COL6A1: variants seen among roughly 807,000 people sequenced by gnomAD.
The protein encoded by COL6A1 is collagen alpha-1(VI) chain.
Under a neutral mutation model 145.6 loss-of-function variants are expected in COL6A1, and 80 were observed. The observed-to-expected ratio is 0.55, with a 90% CI of 0.46 to 0.66. The LOEUF (loss-of-function observed/expected upper bound fraction) is 0.66. COL6A1 is among the 30% of genes least tolerant of loss of function. The pLI is 0.00. For synonymous variants in COL6A1, 638 were observed against 622.8 expected (o/e 1.02, Z -0.36); for missense variants, 1,364 against 1,473.8 (o/e 0.93, Z 1.22).
chr21:46,003,103 G>A lies in COL6A1; in HGVS notation c.2435-17G>A, dbSNP rs1166723556. ...TGGAGCAGTGGGCTCACACTGCACG[G>A]CTTTTCTCTTTTACAGACAAGAAGT... On this transcript the variant is annotated splice_polypyrimidine_tract_variant and intron_variant, in intron 33 of 34. Coordinates refer to ENST00000361866, the MANE Select transcript of COL6A1 (RefSeq NM_001848.3). The A allele has an allele frequency of 1.9e-6, 3 of 1,613,986 alleles. No homozygotes were observed. The highest frequency in any genetic ancestry group is 2.7e-5 in the African/African-American group (2 of 74,948).
At chr21:45,989,244 A>G in intron 9 of COL6A1, 107 bp downstream of exon 9, 1 of 1,230,840 alleles carries the variant, frequency 8.1e-7, no homozygotes, top group East Asian at 2.3e-5. Flanking sequence ...CCAAAGTCAC[A>G]CTGCCTGTTC....
At chr21:45,996,611 C>G (rs901213123) in intron 20 of COL6A1, among the ~76,000 whole-genome samples, 74 of 152,216 alleles carry the variant, frequency 4.9e-4, no homozygotes, top group Admixed American at 4.7e-3. Context: ...AGGCGTCCGA[C>G]CAGGCTCATG....
intron 19 of COL6A1, among the ~76,000 whole-genome samples, chr21:45,993,659 C>G (rs1430523707): frequency 1.3e-5 from 2 of 152,176 alleles, no homozygotes; most frequent in Non-Finnish European, 2.9e-5. Flanking sequence ...GATTTCTGAC[C>G]TCCTCCCTGG....
chr21:45,982,516 C>T (rs1227713361), intron 1 of COL6A1, 118 bp from the exon 2 acceptor site: 12 of 1,451,900 alleles, frequency 8.3e-6, no homozygotes, highest in Non-Finnish European at 1.0e-5. Context: ...CCCGGGAGAG[C>T]CTCTCCGGGC....
At chr21:45,987,266 T>C (rs2123467157) in intron 6 of COL6A1, 91 bp downstream of exon 6, 1 of 1,564,438 alleles carries the variant, frequency 6.4e-7, no homozygotes. Context: ...TCCCTATGCA[T>C]ATCCGCCCAT....
At chr21:45,995,909 G>T (rs1321158354) in intron 20 of COL6A1, among the ~76,000 whole-genome samples, 2 of 147,220 alleles carry the variant, frequency 1.4e-5, no homozygotes, top group Admixed American at 1.4e-4. Context: ...CCATCGGGAC[G>T]TTGGGCTCCC....
chr21:45,982,018 G>T (rs531752890), intron 1 of COL6A1, 71 bp downstream of exon 1: 18 of 1,267,120 alleles, frequency 1.4e-5, no homozygotes, highest in Middle Eastern at 2.5e-4. Context: ...AGATGCGCGG[G>T]GTCCCCTCCC....
At chr21:45,996,727 T>G (rs572870978) in intron 20 of COL6A1, among the ~76,000 whole-genome samples, 104 of 152,254 alleles carry the variant, frequency 6.8e-4, no homozygotes, top group African/African-American at 2.5e-3. Flanking sequence ...GTGCCTGGGC[T>G]AGACTCCGAA....
chr21:45,998,487 C>A (rs754459994), intron 24 of COL6A1, 54 bp downstream of exon 24: 1 of 1,609,764 alleles, frequency 6.2e-7, no homozygotes, highest in Non-Finnish European at 8.5e-7. Flanking sequence ...TTCACAGTCA[C>A]AGGGACACGC....
Position 45,987,524 on chromosome 21 carries a change from G to A in COL6A1, c.759+5G>A. 1 of 1,612,992 alleles carries A rather than the reference G, an allele frequency of 6.2e-7. No homozygotes were observed. Among genetic ancestry groups the A allele is most frequent in the Non-Finnish European group, 8.5e-7 (1 of 1,179,990 alleles). On this transcript the variant is annotated splice_donor_5th_base_variant and intron_variant, in intron 7 of 34. Coordinates refer to ENST00000361866, the MANE Select transcript of COL6A1 (RefSeq NM_001848.3). ...TGCTGCTCCTTCGAATGCCAGGTGA[G>A]TGTGCCCCCCGACCCCTGACCCCGC...
chr21:45,987,707 T>C, intron 8 of COL6A1, 53 bp downstream of exon 8: 2 of 1,566,674 alleles, frequency 1.3e-6, no homozygotes, highest in South Asian at 2.3e-5. Context: ...GGAGTGGGGG[T>C]GGCAGGACCA....
intron 14 of COL6A1, 70 bp from the exon 15 acceptor site, chr21:45,990,909 C>A (rs145055730): frequency 1.2e-6 from 2 of 1,607,110 alleles, no homozygotes; most frequent in African/African-American, 1.3e-5. Flanking sequence ...TCTGTCTGGG[C>A]GGTCTGGGGC....
chr21:45,997,817 G>T, intron 22 of COL6A1, 55 bp downstream of exon 22: 1 of 1,536,584 alleles, frequency 6.5e-7, no homozygotes, highest in Non-Finnish European at 8.8e-7. Context: ...CAGAGGCCCT[G>T]GGAAGCCCCA....
rs1403752141 is a variant in COL6A1 at position 46,004,538 on chromosome 21, A to G, written c.*525A>G. 1 of 313,400 alleles carries G rather than the reference A, an allele frequency of 3.2e-6. No individual in the cohort carries two copies. The highest frequency in any genetic ancestry group is 2.2e-5 in the African/African-American group (1 of 45,510). The allele number at this position is 313,400 out of a possible 1,614,324, so 19.4% of individuals were successfully genotyped here. On this transcript the variant is annotated 3_prime_UTR_variant, in exon 35 of 35. Transcript: ENST00000361866. ...TCCCACCAATCCTCACCTAACAGTTACTTTACAATTAAACTCAAAGCAAGC... is the reference window on the plus strand; with the variant it reads ...TCCCACCAATCCTCACCTAACAGTTGCTTTACAATTAAACTCAAAGCAAGC...
chr21:46,001,967 C>G lies in COL6A1; in HGVS notation c.1963C>G (p.Pro655Ala), dbSNP rs73908117. 1 of 1,612,306 alleles carries G rather than the reference C, an allele frequency of 6.2e-7. No homozygotes were observed. Among genetic ancestry groups the G allele is most frequent in the African/African-American group, 1.3e-5 (1 of 75,040 alleles). The change falls in exon 31 of 35, where the codon CCA (proline) becomes GCA (alanine). Residue 655 changes from proline to alanine, a missense_variant. Physicochemically the swap from Pro to Ala is conservative, Grantham distance 27. Coordinates refer to ENST00000361866, the MANE Select transcript of COL6A1 (RefSeq NM_001848.3). ...CCCGGTGCCGGTCCCACAGTTCGAG[C>G]CAGGGCAGTCGTACGCGGGTGTGGT... ...LSRDELVKFE[P>A]GQSYAGVVQY...
Position 46,004,022 on chromosome 21 carries a change from G to A in COL6A1, c.*9G>A. 6.2e-7 allele frequency: 1 copy of A among 1,612,964 alleles called. No individual in the cohort carries two copies. Among genetic ancestry groups the A allele is most frequent in the Non-Finnish European group, 8.5e-7 (1 of 1,179,990 alleles). ...AGGTGGCGCTGGGCTAGCCCACCCT[G>A]CACGCCGGCACCAAACCCTGTCCTC... On this transcript the variant is annotated 3_prime_UTR_variant, in exon 35 of 35. Coordinates refer to ENST00000361866, the MANE Select transcript of COL6A1 (RefSeq NM_001848.3).
intron 21 of COL6A1, 42 bp downstream of exon 21, chr21:45,997,525 C>A: frequency 6.1e-6 from 8 of 1,305,286 alleles, no homozygotes; most frequent in Non-Finnish European, 8.7e-6. Context: ...CCCAGGGGGG[C>A]CTGAGGATCC....
chr21:45,982,677 C>T lies in COL6A1; in HGVS notation c.141C>T (p.Ser47=), dbSNP rs2123460208. The change falls in exon 2 of 35, where the codon AGC becomes AGT. Residue 47 remains serine (S), a synonymous_variant. Transcript: ENST00000361866. ...TCTTTGTGCTGGACACCTCTGAGAG[C>T]GTGGCCCTGAGGCTGAAGCCCTACG... is the stretch of plus-strand genomic sequence containing the variant. ...DLFFVLDTSE[S]VALRLKPYGA... 1 of 1,612,908 alleles carries T rather than the reference C, an allele frequency of 6.2e-7. No homozygotes were observed.
chr21:45,991,446 G>A (rs1043216669), intron 15 of COL6A1, among the ~76,000 whole-genome samples: 20 of 152,022 alleles, frequency 1.3e-4, no homozygotes, highest in Non-Finnish European at 1.9e-4. Flanking sequence ...GAGCGGGGGC[G>A]GGAGGAGGGT....
Sources: allele counts gnomAD v4.1 joint callset (sites outside exome capture counted in the v4.1 genomes callset), GRCh38; gene constraint gnomAD v4.1.1; transcripts MANE v1.5; gene names NCBI Gene and HGNC (gene_info 2026-07-23, HGNC 2026-07-21).